C8orf34: variants seen among roughly 807,000 people sequenced by gnomAD.
C8orf34 encodes the protein uncharacterized protein C8orf34.
A neutral mutation model predicts 68.3 loss-of-function variants in C8orf34; 65 were observed. The ratio of observed to expected loss-of-function variants is 0.95; its 90% confidence interval spans 0.78 to 1.17. The LOEUF is 1.17. C8orf34 is among the 50% of genes most tolerant of loss of function. C8orf34 has a pLI of 0.00. For synonymous variants in C8orf34, 244 were observed against 241.2 expected, an observed-to-expected ratio of 1.01 and a Z score of -0.11; for missense variants, 664 against 655.4, an observed-to-expected ratio of 1.01 and a Z score of -0.14.
intron 4 of C8orf34, among the ~76,000 whole-genome samples, chr8:68,469,700 C>T (rs917470614): frequency 6.6e-6 from 1 of 151,882 alleles, no homozygotes; most frequent in Non-Finnish European, 1.5e-5. Flanking sequence ...CCAAAATTTT[C>T]TTTTATTGCC....
rs571722343 is a variant in C8orf34, at chr8:68,394,308, A to T, written c.328-45191A>T. Among the ~76,000 whole-genome samples the T allele has an allele frequency of 2.6e-4, 36 of 137,118 alleles. No individual in the cohort carries two copies. The Admixed American group carries it at 3.0e-3, about 11-fold the overall frequency. 90.0% of individuals were successfully genotyped at this position (137,118 alleles called of 152,430 possible). Reference sequence around the variant, plus strand: ...CTGTGTCCATATGTTCTCATTGTTCAATTCCCACCTGTGAGTGAGAATATG... The same window carrying T: ...CTGTGTCCATATGTTCTCATTGTTCTATTCCCACCTGTGAGTGAGAATATG... On this transcript the variant is annotated intron_variant, in intron 1 of 13. Coordinates refer to ENST00000518698, the MANE Select transcript of C8orf34 (RefSeq NM_052958.4).
chr8:68,749,252 G>A (rs897434156), intron 10 of C8orf34, among the ~76,000 whole-genome samples: 1 of 152,008 alleles, frequency 6.6e-6, no homozygotes, highest in Non-Finnish European at 1.5e-5. Flanking sequence ...TGGGGGGAGC[G>A]GGGAGGGATT....
intron 1 of C8orf34, among the ~76,000 whole-genome samples, chr8:68,404,574 G>T (rs559295591): frequency 7.2e-5 from 11 of 152,280 alleles, no homozygotes; most frequent in African/African-American, 2.6e-4. Context: ...AAGGGGCTCA[G>T]TTTCAGTTTT....
At chr8:68,330,801 A>ACACACACG (rs1456965635), upstream of C8orf34, 4 of 474,434 alleles carry the variant, frequency 8.4e-6, no homozygotes, top group African/African-American at 6.6e-5. Context: ...ACGGACACAC[A>ACACACACG]CACACACGCA....
intron 7 of C8orf34, among the ~76,000 whole-genome samples, chr8:68,606,813 G>T (rs1817868192): frequency 6.6e-6 from 1 of 152,024 alleles, no homozygotes; most frequent in South Asian, 2.1e-4. Context: ...AAATTCTCTG[G>T]TACCATAGCA....
intron 5 of C8orf34, among the ~76,000 whole-genome samples, chr8:68,513,832 G>A (rs1428142268): frequency 1.3e-5 from 2 of 152,098 alleles, no homozygotes; most frequent in East Asian, 3.9e-4. Context: ...GAGTGGCAGG[G>A]AGCTGCTGCT....
intron 8 of C8orf34, among the ~76,000 whole-genome samples, chr8:68,664,152 T>C (rs1012463580): frequency 3.3e-5 from 5 of 152,112 alleles, no homozygotes; most frequent in Non-Finnish European, 5.9e-5. Flanking sequence ...TCCTTTTCCT[T>C]GGTCAGGTCA....
At chr8:68,341,011 A>T (rs927501660) in intron 1 of C8orf34, among the ~76,000 whole-genome samples, 5 of 152,256 alleles carry the variant, frequency 3.3e-5, no homozygotes, top group Admixed American at 3.3e-4. Context: ...TTAGAAAATC[A>T]ATGTAATCAA....
intron 12 of C8orf34, among the ~76,000 whole-genome samples, chr8:68,803,789 T>G (rs1563678897): frequency 1.3e-5 from 2 of 152,168 alleles, no homozygotes; most frequent in African/African-American, 4.8e-5. Context: ...ATTATATTTC[T>G]TAACTTAGAT....
intron 6 of C8orf34, chr8:68,526,018 G>GCA: frequency 5.0e-6 from 1 of 199,332 alleles, no homozygotes; most frequent in Non-Finnish European, 9.7e-6. Context: ...GAGTGCAGTG[G>GCA]TGTTATCTTG....
chr8:68,446,690 A>T (rs77094419), intron 3 of C8orf34: 50,304 of 501,122 alleles, frequency 0.1, 3,017 homozygotes, highest in African/African-American at 0.18. Flanking sequence ...TTTGAGTATA[A>T]TATTCCTTGA....
chr8:68,703,380 A>G (rs1821073936), intron 8 of C8orf34, among the ~76,000 whole-genome samples: 1 of 152,134 alleles, frequency 6.6e-6, no homozygotes, highest in African/African-American at 2.4e-5. Context: ...TTTAAATTCA[A>G]TCACATTTAC....
chr8:68,439,310 C>T, intron 1 of C8orf34, 189 bp from the exon 2 acceptor site: 1 of 480,772 alleles, frequency 2.1e-6, no homozygotes, highest in Admixed American at 3.8e-5. Flanking sequence ...ATTTACTTCT[C>T]TGTTATTGTT....
intron 1 of C8orf34, among the ~76,000 whole-genome samples, chr8:68,384,756 G>GGTTTT (rs1216460740): frequency 1.8e-4 from 27 of 152,280 alleles, no homozygotes; most frequent in African/African-American, 6.5e-4. Flanking sequence ...CTCAGCCAAA[G>GGTTTT]GTTTTGTTCT....
intron 5 of C8orf34, among the ~76,000 whole-genome samples, chr8:68,488,980 G>C (rs1813194461): frequency 7.5e-6 from 1 of 132,578 alleles, no homozygotes; most frequent in Non-Finnish European, 1.7e-5. Context: ...AACTGATAAC[G>C]AATTTACGTT....
chr8:68,359,546 T>G (rs1453477380), intron 1 of C8orf34, among the ~76,000 whole-genome samples: 1 of 152,152 alleles, frequency 6.6e-6, no homozygotes, highest in Non-Finnish European at 1.5e-5. Context: ...GTATGTAGAA[T>G]AGAAATGAGC....
At chr8:68,634,580 A>G (rs1190360301) in intron 7 of C8orf34, among the ~76,000 whole-genome samples, 2 of 152,174 alleles carry the variant, frequency 1.3e-5, no homozygotes, top group Non-Finnish European at 2.9e-5. Context: ...AATCCTAGAC[A>G]CCTGCTCCCT....
At chr8:68,395,614 A>G (rs1343847213) in intron 1 of C8orf34, among the ~76,000 whole-genome samples, 2 of 152,204 alleles carry the variant, frequency 1.3e-5, no homozygotes, top group African/African-American at 4.8e-5. Flanking sequence ...GATATCATTA[A>G]TATGGGCAAT....
chr8:68,659,697 G>T (rs1819615242), intron 8 of C8orf34, among the ~76,000 whole-genome samples: 1 of 151,972 alleles, frequency 6.6e-6, no homozygotes, highest in South Asian at 2.1e-4. Flanking sequence ...TAAGCAAAAA[G>T]CTTAAAAGAT....
Sources: gnomAD v4.1 joint callset for allele counts (sites outside exome capture counted in the v4.1 genomes callset) on GRCh38, gnomAD v4.1.1 for gene constraint, MANE v1.5 for transcripts, NCBI Gene and HGNC (gene_info 2026-07-23, HGNC 2026-07-21) for gene names.